Variants in CNTN4 observed in about 807,000 individuals in gnomAD.
CNTN4 encodes contactin-4.
CNTN4 carries 77 observed loss-of-function variants against 122.5 expected under a neutral mutation model. The ratio of observed to expected loss-of-function variants is 0.63; its 90% CI spans 0.52 to 0.76. The LOEUF (loss-of-function observed/expected upper bound fraction) is 0.76, where lower values mean the gene tolerates loss of function less well. CNTN4 is among the 30% of genes least tolerant of loss of function. CNTN4 has a pLI of 0.00. For missense variants in CNTN4, 1,256 were observed against 1,259.1 expected (o/e 1.00, Z 0.04); for synonymous variants, 512 against 447.0 (o/e 1.15, Z -1.83).
At position 2,812,468 on chromosome 3, in the gene CNTN4, A is replaced by G. The variant is rs1260747053; in HGVS notation, c.359-7018A>G. On this transcript the variant is annotated intron_variant, in intron 6 of 24. Coordinates refer to ENST00000418658, the MANE Select transcript of CNTN4 (RefSeq NM_175607.3). ...GTTCATGCAATATAAAGGATAAGATATCTGATTCACTTCAGCATCAATCTT... is the reference window on the plus strand; with the variant it reads ...GTTCATGCAATATAAAGGATAAGATGTCTGATTCACTTCAGCATCAATCTT... Among the ~76,000 whole-genome samples, 3 of 152,232 alleles carry G rather than the reference A, an allele frequency of 2.0e-5. No individual in the cohort carries two copies. In the East Asian group the frequency reaches 5.8e-4, roughly 29 times the overall value.
At chr3:2,981,091 C>T (rs146798303) in intron 13 of CNTN4, among the ~76,000 whole-genome samples, 83 of 152,218 alleles carry the variant, frequency 5.5e-4, no homozygotes, top group African/African-American at 1.8e-3. Flanking sequence ...GTCTGCAGCT[C>T]GATTTTACAA....
intron 4 of CNTN4, among the ~76,000 whole-genome samples, chr3:2,716,644 T>C (rs192992482): frequency 3.7e-4 from 57 of 152,304 alleles, no homozygotes; most frequent in African/African-American, 1.4e-3. Context: ...AATTTTACCA[T>C]TTTAGTAGTT....
At chr3:2,514,025 G>A (rs961007257) in intron 3 of CNTN4, among the ~76,000 whole-genome samples, 2 of 152,190 alleles carry the variant, frequency 1.3e-5, no homozygotes, top group African/African-American at 4.8e-5. Flanking sequence ...GACAATTTCT[G>A]TGCTACCCAA....
intron 3 of CNTN4, among the ~76,000 whole-genome samples, chr3:2,407,262 C>A (rs2047071303): frequency 6.6e-6 from 1 of 152,072 alleles, no homozygotes; most frequent in Non-Finnish European, 1.5e-5. Flanking sequence ...ATTTATTTAG[C>A]TTGAAACAGA....
At chr3:2,108,478 A>G (rs949967845) in intron 2 of CNTN4, among the ~76,000 whole-genome samples, 1 of 152,182 alleles carries the variant, frequency 6.6e-6, no homozygotes, top group African/African-American at 2.4e-5. Flanking sequence ...TGATCAAGCC[A>G]GGAGAAATTT....
At chr3:2,508,573 G>A (rs114117430) in intron 3 of CNTN4, among the ~76,000 whole-genome samples, 153 of 152,246 alleles carry the variant, frequency 1.0e-3, no homozygotes, top group African/African-American at 3.6e-3. Context: ...GACCTCAGGA[G>A]CCCCATCCCC....
intron 2 of CNTN4, among the ~76,000 whole-genome samples, chr3:2,320,365 GGAAATCCTGAACT>G (rs2043238268): frequency 6.6e-6 from 1 of 152,134 alleles, no homozygotes; most frequent in Admixed American, 6.6e-5. Context: ...ATATAAGATA[GGAAATCCTGAACT>G]AATATTAGGT....
chr3:2,603,689 TAA>T (rs974708796), intron 4 of CNTN4, among the ~76,000 whole-genome samples: 2 of 152,210 alleles, frequency 1.3e-5, no homozygotes, highest in Non-Finnish European at 2.9e-5. Context: ...TCCGGTGGAA[TAA>T]AAACAGCCCG....
intron 4 of CNTN4, among the ~76,000 whole-genome samples, chr3:2,592,982 G>A (rs1320296590): frequency 6.6e-6 from 1 of 152,122 alleles, no homozygotes; most frequent in Non-Finnish European, 1.5e-5. Flanking sequence ...TGTCAGAATG[G>A]GAAGTCTGAA....
intron 2 of CNTN4, among the ~76,000 whole-genome samples, chr3:2,254,579 C>T (rs370253265): frequency 2.4e-4 from 36 of 152,246 alleles, no homozygotes; most frequent in African/African-American, 8.4e-4. Flanking sequence ...TAATGATCTC[C>T]AATCTAACTG....
rs952348369 is a variant in CNTN4, at chr3:3,040,248, C to A, written c.2375C>A (p.Thr792Lys). ...NKGEGPFSPTTVVYSAEEEPT... is the reference protein window; with the variant it reads ...NKGEGPFSPTKVVYSAEEEPT... ...GGAGAAGGCCCTTTCAGTCCCACCA[C>A]GGTGGTGTATTCTGCAGAAGAAGGT... Residue 792 changes from threonine to lysine, a missense_variant, in exon 20 of 25, where the codon ACG becomes AAG. Thr to Lys is a moderately conservative substitution (Grantham distance 78, BLOSUM62 -1). Coordinates refer to ENST00000418658, the MANE Select transcript of CNTN4 (RefSeq NM_175607.3). 1.9e-6 allele frequency: 3 copies of A among 1,613,314 alleles called. No individual in the cohort carries two copies. In the African/African-American group the frequency reaches 4.0e-5, roughly 22 times the overall value.
At chr3:2,428,256 A>G (rs973815252) in intron 3 of CNTN4, among the ~76,000 whole-genome samples, 1 of 152,086 alleles carries the variant, frequency 6.6e-6, no homozygotes, top group Non-Finnish European at 1.5e-5. Context: ...AGCTCTTGTA[A>G]GGCAGGCCTG....
chr3:2,536,502 C>A (rs930633933), intron 3 of CNTN4, among the ~76,000 whole-genome samples: 2 of 151,920 alleles, frequency 1.3e-5, no homozygotes, highest in African/African-American at 4.8e-5. Flanking sequence ...AAGTATATAT[C>A]ATAAAAACAG....
At chr3:2,432,610 GTGTA>G (rs1489670157) in intron 3 of CNTN4, among the ~76,000 whole-genome samples, 5 of 151,936 alleles carry the variant, frequency 3.3e-5, no homozygotes, top group African/African-American at 4.8e-5. Context: ...GTGTGCGTGT[GTGTA>G]TGTGTGTATA....
intron 7 of CNTN4, 64 bp downstream of exon 7, chr3:2,819,645 TC>T: frequency 8.2e-7 from 1 of 1,223,624 alleles, no homozygotes; most frequent in Non-Finnish European, 1.2e-6. Context: ...CTCAATGTTC[TC>T]CCTCCTGACA....
intron 3 of CNTN4, among the ~76,000 whole-genome samples, chr3:2,344,090 C>T (rs551714670): frequency 6.6e-6 from 1 of 152,254 alleles, no homozygotes; most frequent in Admixed American, 6.5e-5. Flanking sequence ...CCCCCCATGG[C>T]CCAAACACCT....
rs556979107 is a variant in CNTN4, at chr3:2,463,904, G to T, written c.-88-107512G>T. On this transcript the variant is annotated intron_variant, in intron 3 of 24. Coordinates refer to ENST00000418658, the MANE Select transcript of CNTN4 (RefSeq NM_175607.3). Reference sequence around the variant, plus strand: ...AGAGGAAGATGCTGCCTTTATATGTGAAGTGGATTCTTATGACCTAGAACC... The same window carrying T: ...AGAGGAAGATGCTGCCTTTATATGTTAAGTGGATTCTTATGACCTAGAACC... 5.3e-5 allele frequency among the ~76,000 whole-genome samples: 8 copies of T among 152,290 alleles called. 1 individual carries two copies. In the South Asian group the frequency reaches 1.0e-3, roughly 20 times the overall value.
At chr3:3,000,980 A>C (rs1468862456) in intron 14 of CNTN4, among the ~76,000 whole-genome samples, 1 of 151,706 alleles carries the variant, frequency 6.6e-6, no homozygotes, top group African/African-American at 2.4e-5. Context: ...ATATATTCTC[A>C]AGTAACCTAT....
At chr3:2,159,184 A>C (rs900294046) in intron 2 of CNTN4, among the ~76,000 whole-genome samples, 1 of 152,136 alleles carries the variant, frequency 6.6e-6, no homozygotes, top group African/African-American at 2.4e-5. Flanking sequence ...CCAGAATTAT[A>C]CTGTATACTT....
Sources: allele counts gnomAD v4.1 joint callset (sites outside exome capture counted in the v4.1 genomes callset), GRCh38; gene constraint gnomAD v4.1.1; transcripts MANE v1.5; gene names NCBI Gene and HGNC (gene_info 2026-07-23, HGNC 2026-07-21).